The following NRG1 variants were observed in gnomAD, a reference collection of about 807,000 sequenced individuals.
NRG1 encodes neuregulin 1, also known as pro-neuregulin-1, membrane-bound isoform.
A neutral mutation model predicts 63.8 loss-of-function variants in NRG1; 18 were observed. The observed-to-expected ratio is 0.28, with a 90% CI of 0.19 to 0.42. The LOEUF (loss-of-function observed/expected upper bound fraction) is 0.42. NRG1 is among the 10% of genes least tolerant of loss of function. The probability of loss-of-function intolerance (pLI) is 1.00; values close to 1 mark genes in which losing one functional copy is unlikely to be tolerated. For synonymous variants in NRG1, 302 were observed against 301.3 expected (o/e 1.00, Z -0.02); for missense variants, 762 against 814.7 (o/e 0.94, Z 0.79).
At chr8:32,470,647 A>T (rs2129490481) in intron 1 of NRG1, among the ~76,000 whole-genome samples, 1 of 152,298 alleles carries the variant, frequency 6.6e-6, no homozygotes, top group South Asian at 2.1e-4. Context: ...GGGGAGAGAG[A>T]AGGTTGGGAG....
At chr8:31,713,676 A>G (rs911485061) in intron 1 of NRG1, among the ~76,000 whole-genome samples, 3 of 151,786 alleles carry the variant, frequency 2.0e-5, no homozygotes, top group Non-Finnish European at 1.5e-5. Context: ...ACATGTTGAG[A>G]AAATATTTTT....
At chr8:32,719,371 C>T (rs918421466) in intron 5 of NRG1, among the ~76,000 whole-genome samples, 2 of 151,900 alleles carry the variant, frequency 1.3e-5, no homozygotes, top group African/African-American at 2.4e-5. Flanking sequence ...CCACTTCAGC[C>T]GTTATCAGTT....
Position 32,293,098 on chromosome 8 carries a change from C to T in NRG1, c.38-302730C>T, listed in dbSNP as rs868289703. 2.7e-5 allele frequency among the ~76,000 whole-genome samples: 4 copies of T among 146,688 alleles called. No individual in the cohort carries two copies. The East Asian group carries it at 6.8e-4, about 25-fold the overall frequency. On this transcript the variant is annotated intron_variant, in intron 1 of 10. Transcript: ENST00000519301. ...CAGCCTGGGCAACAGAGTGAGACTA[C>T]GTCTAAAATATAAAATAAAATAAAA...
intron 1 of NRG1, among the ~76,000 whole-genome samples, chr8:32,112,480 G>A (rs528965501): frequency 5.9e-5 from 9 of 152,332 alleles, no homozygotes; most frequent in East Asian, 3.9e-4. Flanking sequence ...TCAAATCTCC[G>A]TATATTTTCT....
At chr8:32,029,443 T>G (rs545888066) in intron 1 of NRG1, 35 of 152,248 alleles carry the variant, frequency 2.3e-4, no homozygotes, top group Non-Finnish European at 4.0e-4. Flanking sequence ...TGGTGCGAAA[T>G]GTTTTATGGA....
chr8:31,954,765 G>T (rs180801998), intron 1 of NRG1, among the ~76,000 whole-genome samples: 1 of 152,174 alleles, frequency 6.6e-6, no homozygotes, highest in East Asian at 1.9e-4. Flanking sequence ...TTTGATCTGT[G>T]GGACATAGAA....
intron 1 of NRG1, among the ~76,000 whole-genome samples, chr8:31,806,945 G>T (rs1205765435): frequency 1.3e-5 from 2 of 152,308 alleles, no homozygotes; most frequent in East Asian, 3.9e-4. Flanking sequence ...GAGTACAAGT[G>T]TTGGCAAAGG....
intron 1 of NRG1, among the ~76,000 whole-genome samples, chr8:31,881,494 AC>A (rs1433318415): frequency 6.6e-6 from 1 of 152,150 alleles, no homozygotes; most frequent in East Asian, 1.9e-4. Context: ...CAAATTCACA[AC>A]CCTATAATGG....
At chr8:32,616,738 T>C in intron 4 of NRG1, 97 bp from the exon 5 acceptor site, 2 of 866,392 alleles carry the variant, frequency 2.3e-6, no homozygotes, top group Non-Finnish European at 4.0e-6. Context: ...GTTCTACTAC[T>C]CTTTTACTAG....
chr8:32,665,698 T>C (rs1803967860), intron 5 of NRG1, among the ~76,000 whole-genome samples: 1 of 152,216 alleles, frequency 6.6e-6, no homozygotes, highest in Admixed American at 6.5e-5. Flanking sequence ...TTTCCACTTG[T>C]GCTGCTCAAA....
chr8:32,610,934 A>T (rs1157879698), intron 3 of NRG1, among the ~76,000 whole-genome samples: 1 of 152,040 alleles, frequency 6.6e-6, no homozygotes, highest in Non-Finnish European at 1.5e-5. Context: ...CACCCTACAC[A>T]CTATATGTTC....
intron 1 of NRG1, among the ~76,000 whole-genome samples, chr8:32,327,964 T>C (rs1802204660): frequency 6.6e-6 from 1 of 152,218 alleles, no homozygotes; most frequent in African/African-American, 2.4e-5. Flanking sequence ...AGTAATATGA[T>C]ATCTGGGTTT....
Position 32,742,064 on chromosome 8 carries a change from A to G in NRG1, c.633-611A>G, listed in dbSNP as rs753977410. The G allele has an allele frequency of 5.6e-6, 9 of 1,613,404 alleles. No homozygotes were observed. Among genetic ancestry groups the G allele is most frequent in the Middle Eastern group, 3.3e-4 (2 of 6,078 alleles). ...ACTGAGAATGTGCCCATGAAAGTCCAAAACCAAGAAAGTATGTCAAAATAA... is the reference window on the plus strand; with the variant it reads ...ACTGAGAATGTGCCCATGAAAGTCCGAAACCAAGAAAGTATGTCAAAATAA... On this transcript the variant is annotated intron_variant, in intron 6 of 11. Coordinates refer to ENST00000356819, the Ensembl canonical transcript of NRG1. This position sits in a 1 kb window ranked among gnomAD's most constrained non-coding sequence, Gnocchi z 4.2.
chr8:31,992,294 A>G (rs1327041715), intron 1 of NRG1, among the ~76,000 whole-genome samples: 1 of 152,084 alleles, frequency 6.6e-6, no homozygotes, highest in African/African-American at 2.4e-5. Flanking sequence ...GGGTACCAAA[A>G]AACAGAGAAT....
chr8:31,868,328 G>A (rs1301145246), intron 1 of NRG1, among the ~76,000 whole-genome samples: 1 of 152,064 alleles, frequency 6.6e-6, no homozygotes, highest in Non-Finnish European at 1.5e-5. Context: ...AACAACTGAG[G>A]GAAACATCCC....
chr8:32,138,338 T>G (rs1041355908), intron 1 of NRG1, among the ~76,000 whole-genome samples: 1 of 151,940 alleles, frequency 6.6e-6, no homozygotes, highest in Non-Finnish European at 1.5e-5. Flanking sequence ...AAGGCAAACA[T>G]CTAAAGCTCA....
intron 5 of NRG1, among the ~76,000 whole-genome samples, chr8:32,722,641 A>G (rs1339579609): frequency 6.6e-6 from 1 of 152,204 alleles, no homozygotes; most frequent in African/African-American, 2.4e-5. Context: ...ATATGACACT[A>G]TTTTAAAATA....
intron 1 of NRG1, chr8:31,639,562 C>T: frequency 6.9e-7 from 1 of 1,439,458 alleles, no homozygotes; most frequent in South Asian, 1.4e-5. Flanking sequence ...GCCCCAGCAG[C>T]CGCCGCAGCA....
chr8:32,130,669 G>A (rs1834698796), intron 1 of NRG1, among the ~76,000 whole-genome samples: 1 of 151,924 alleles, frequency 6.6e-6, no homozygotes, highest in Admixed American at 6.6e-5. Flanking sequence ...GGATGTGAAT[G>A]TCTATCTCAG....
Sources: allele counts gnomAD v4.1 joint callset (sites outside exome capture counted in the v4.1 genomes callset), GRCh38; gene constraint gnomAD v4.1.1; non-coding constraint Gnocchi (gnomAD v3.1); transcripts MANE v1.5; gene names NCBI Gene and HGNC (gene_info 2026-07-23, HGNC 2026-07-21).